AMPD1: variants seen among roughly 807,000 people sequenced by gnomAD.
AMPD1 encodes the protein adenosine monophosphate deaminase 1.
Under a neutral mutation model 82.9 loss-of-function variants are expected in AMPD1, and 74 were observed. The observed-to-expected ratio is 0.89, with a 90% CI of 0.74 to 1.08. The LOEUF is 1.08. Among genes scored for constraint, AMPD1 ranks in the 50% least tolerant of loss-of-function variants. AMPD1 has a pLI of 0.00. For synonymous variants in AMPD1, 333 were observed against 320.5 expected (o/e 1.04, Z -0.42); for missense variants, 881 against 924.5 (o/e 0.95, Z 0.61).
At chr1:114,678,098 G>C (rs1226591625) in intron 8 of AMPD1, 57 bp from the exon 9 acceptor site, 20 of 1,607,852 alleles carry the variant, frequency 1.2e-5, no homozygotes, top group Non-Finnish European at 1.7e-5. Context: ...TGGACAGAGA[G>C]AGCTAGGAAA....
intron 4 of AMPD1, 107 bp from the exon 5 acceptor site, chr1:114,684,471 C>T: frequency 4.3e-6 from 5 of 1,153,316 alleles, no homozygotes; most frequent in Non-Finnish European, 6.3e-6. Flanking sequence ...TATCGCAGCC[C>T]ATTCTGAGAC....
rs1489333623 is a variant in AMPD1 at position 114,677,437 on chromosome 1, A to T, written c.1302T>A (p.Asp434Glu). 3.5e-5 allele frequency: 56 copies of T among 1,612,582 alleles called. No individual in the cohort carries two copies. The highest frequency in any genetic ancestry group is 4.7e-5 in the Non-Finnish European group (56 of 1,179,754). The change falls in exon 10 of 16, where the codon GAT (aspartate) becomes GAA (glutamate). Residue 434 changes from aspartate (D) to glutamate (E), a missense_variant. Asp to Glu is a conservative substitution (Grantham distance 45). Coordinates refer to ENST00000520113, the MANE Select transcript of AMPD1 (RefSeq NM_000036.3). ...PRLSIYGRSPDEWSKLSSWFV... is the reference protein window; with the variant it reads ...PRLSIYGRSPEEWSKLSSWFV... ...ACCAGGAGGAGAGTTTGCTCCACTC[A>T]TCAGGACTGCGGCCATAGATGGACA...
intron 5 of AMPD1, among the ~76,000 whole-genome samples, chr1:114,683,554 G>A (rs1277484118): frequency 6.6e-6 from 1 of 152,032 alleles, no homozygotes; most frequent in East Asian, 1.9e-4. Context: ...TGGCCAACAC[G>A]GGAAAACCCC....
At chr1:114,679,452 T>G in intron 7 of AMPD1, 127 bp downstream of exon 7, 1 of 1,343,812 alleles carries the variant, frequency 7.4e-7, no homozygotes, top group African/African-American at 1.4e-5. Context: ...TTATCTGTTT[T>G]TACTAAAATC....
At chr1:114,681,237 G>A (rs1406194178) in intron 5 of AMPD1, among the ~76,000 whole-genome samples, 1 of 152,144 alleles carries the variant, frequency 6.6e-6, no homozygotes, top group Non-Finnish European at 1.5e-5. Flanking sequence ...GTAATTTAGA[G>A]TGTTTTTTGA....
intron 14 of AMPD1, 79 bp downstream of exon 14, chr1:114,673,830 C>T: frequency 1.3e-6 from 2 of 1,584,868 alleles, no homozygotes; most frequent in African/African-American, 1.3e-5. Flanking sequence ...AATGAAATAC[C>T]TTTATTTGAC....
intron 3 of AMPD1, among the ~76,000 whole-genome samples, chr1:114,687,992 G>A (rs112116602): frequency 4.6e-5 from 7 of 152,178 alleles, no homozygotes; most frequent in East Asian, 1.9e-4. Context: ...ATGGTATCTC[G>A]AAGTCCTCTT....
At chr1:114,679,434 A>G in intron 7 of AMPD1, 145 bp downstream of exon 7, 4 of 1,191,104 alleles carry the variant, frequency 3.4e-6, no homozygotes, top group Non-Finnish European at 1.2e-6. Flanking sequence ...CCCATTGGAC[A>G]TAATCTATTA....
intron 10 of AMPD1, 143 bp downstream of exon 10, chr1:114,677,208 A>C: frequency 1.8e-6 from 2 of 1,114,784 alleles, no homozygotes; most frequent in Non-Finnish European, 1.3e-6. Flanking sequence ...GGACAAAACC[A>C]AGCATGCAGG....
intron 4 of AMPD1, 130 bp downstream of exon 4, chr1:114,686,615 T>A: frequency 2.2e-6 from 2 of 912,756 alleles, no homozygotes; most frequent in Non-Finnish European, 3.6e-6. Context: ...TGAAATGCAA[T>A]AATGAAGTGT....
At chr1:114,683,328 A>G (rs1438766917) in intron 5 of AMPD1, among the ~76,000 whole-genome samples, 1 of 152,226 alleles carries the variant, frequency 6.6e-6, no homozygotes, top group Non-Finnish European at 1.5e-5. Context: ...GCAGCAATCC[A>G]GGAGCAGGAA....
chr1:114,684,451 C>G, intron 4 of AMPD1, 87 bp from the exon 5 acceptor site: 2 of 1,413,070 alleles, frequency 1.4e-6, no homozygotes, highest in South Asian at 1.2e-5. Context: ...CACCTCCCAG[C>G]TCTCCTGTGT....
chr1:114,684,871 C>T (rs898270761), intron 4 of AMPD1, among the ~76,000 whole-genome samples: 9 of 152,116 alleles, frequency 5.9e-5, no homozygotes, highest in South Asian at 2.1e-4. Context: ...TCTTCAGCTA[C>T]GATGGATCAC....
At chr1:114,677,799 CTCCTTCCTTCCTTCCT>C (rs61401956) in intron 9 of AMPD1, 95 bp downstream of exon 9, 12,121 of 527,780 alleles carry the variant, frequency 0.023, 158 homozygotes, top group South Asian at 0.041. Flanking sequence ...CCCTCTCTCC[CTCCTTCCTTCCTTCCT>C]TCCTTCCTTC....
chr1:114,677,346 C>T lies in AMPD1; in HGVS notation c.1388+5G>A, dbSNP rs374144421. Reference sequence around the variant, plus strand: ...CTCTAGAGTTTCTGATGGGCAGGTACATACTAGATCCTGGGAACCTGGATC... The same window carrying T: ...CTCTAGAGTTTCTGATGGGCAGGTATATACTAGATCCTGGGAACCTGGATC... On this transcript the variant is annotated splice_donor_5th_base_variant and intron_variant, in intron 10 of 15. Transcript: ENST00000520113. 5.7e-5 allele frequency: 91 copies of T among 1,609,586 alleles called. No individual in the cohort carries two copies. The highest frequency in any genetic ancestry group is 5.9e-5 in the Non-Finnish European group (70 of 1,179,064).
chr1:114,686,610 T>C, intron 4 of AMPD1, 135 bp downstream of exon 4: 2 of 873,736 alleles, frequency 2.3e-6, no homozygotes, highest in Non-Finnish European at 3.8e-6. Flanking sequence ...AGTATTGAAA[T>C]GCAATAATGA....
intron 2 of AMPD1, 144 bp downstream of exon 2, chr1:114,693,292 G>T: frequency 1.2e-6 from 1 of 800,904 alleles, no homozygotes; most frequent in Non-Finnish European, 2.1e-6. Context: ...GGATATCTAT[G>T]GTCATTATGA....
At chr1:114,684,404 C>T (rs1384557950) in intron 4 of AMPD1, 40 bp from the exon 5 acceptor site, 5 of 1,606,794 alleles carry the variant, frequency 3.1e-6, no homozygotes, top group South Asian at 1.1e-5. Context: ...GAGTCAATCC[C>T]ACGAAAAACT....
chr1:114,693,305 C>A, intron 2 of AMPD1, 131 bp downstream of exon 2: 1 of 919,328 alleles, frequency 1.1e-6, no homozygotes, highest in East Asian at 2.5e-5. Flanking sequence ...CATTATGAAT[C>A]TTTGTTGACT....
Sources: allele counts gnomAD v4.1 joint callset (sites outside exome capture counted in the v4.1 genomes callset), GRCh38; gene constraint gnomAD v4.1.1; transcripts MANE v1.5; gene names NCBI Gene and HGNC (gene_info 2026-07-23, HGNC 2026-07-21).